SYDE2: variants seen among roughly 807,000 people sequenced by gnomAD.
SYDE2 encodes the protein rho GTPase-activating protein SYDE2.
SYDE2 carries 76 observed loss-of-function variants against 91.5 expected under a neutral mutation model. That is an observed-to-expected ratio of 0.83 (90% CI 0.69 to 1.01). SYDE2 has a LOEUF of 1.01. Ranked by LOEUF, SYDE2 falls within the 50% of genes least tolerant of loss-of-function variation. The pLI is 0.00. For missense variants in SYDE2, 1,364 were observed against 1,367.7 expected (o/e 1.00, Z 0.04); for synonymous variants, 513 against 506.4 (o/e 1.01, Z -0.18).
At position 85,158,719 on chromosome 1, in the gene SYDE2, T is replaced by C; in HGVS notation, c.*31A>G. On this transcript the variant is annotated 3_prime_UTR_variant, in exon 7 of 7. Transcript: ENST00000341460. The stretch of plus-strand genomic sequence containing the variant: ...AATAAAACAAAAACAGATTTGAAAC[T>C]TTAAGACATTACAAAAAAAAACCCT... 1.4e-6 allele frequency: 1 copy of C among 697,632 alleles called. No homozygotes were observed. The highest frequency in any genetic ancestry group is 2.6e-6 in the Non-Finnish European group (1 of 384,424). The allele number at this position is 697,632 out of a possible 1,614,324, so 43.2% of individuals were successfully genotyped here. A position where few individuals can be genotyped will look rare whatever the true frequency, so the allele number is the denominator to read the frequency against.
intron 2 of SYDE2, among the ~76,000 whole-genome samples, chr1:85,186,777 T>C (rs1473695294): frequency 6.6e-6 from 1 of 152,086 alleles, no homozygotes; most frequent in Non-Finnish European, 1.5e-5. Context: ...GGATTCCCTA[T>C]TTAATAAATG....
chr1:85,177,776 CT>C (rs1453124193), intron 4 of SYDE2, among the ~76,000 whole-genome samples: 1 of 152,162 alleles, frequency 6.6e-6, no homozygotes, highest in Non-Finnish European at 1.5e-5. Flanking sequence ...TGGATCCCCT[CT>C]GGCTAGTAAA....
intron 6 of SYDE2, among the ~76,000 whole-genome samples, chr1:85,163,528 A>C (rs1657155141): frequency 7.0e-6 from 1 of 142,722 alleles, no homozygotes; most frequent in East Asian, 2.1e-4. Flanking sequence ...CTTTGTGCTA[A>C]ACATTTTGCT....
rs1656917367 is a variant in SYDE2, at chr1:85,157,815, C to T, written c.*935G>A. On this transcript the variant is annotated 3_prime_UTR_variant, in exon 7 of 7. Transcript: ENST00000341460. Reference sequence around the variant, plus strand: ...TACTTTAAAAATACATGTGATTCTACAATAACCCCTCCCCCATCCTGATAT... The same window carrying T: ...TACTTTAAAAATACATGTGATTCTATAATAACCCCTCCCCCATCCTGATAT... 1 of 152,054 alleles carries T rather than the reference C, an allele frequency of 6.6e-6. No individual in the cohort carries two copies. The highest frequency in any genetic ancestry group is 2.4e-5 in the African/African-American group (1 of 41,412). The allele number at this position is 152,054 out of a possible 1,614,324, so 9.4% of individuals were successfully genotyped here. A position where few individuals can be genotyped will look rare whatever the true frequency, so the allele number is the denominator to read the frequency against.
chr1:85,185,944 G>A (rs944050067), intron 2 of SYDE2, among the ~76,000 whole-genome samples: 1 of 151,956 alleles, frequency 6.6e-6, no homozygotes, highest in African/African-American at 2.4e-5. Context: ...TTGTCATAGA[G>A]CTCTTATTAT....
At chr1:85,191,615 G>A (rs544509079) in intron 1 of SYDE2, among the ~76,000 whole-genome samples, 19 of 152,048 alleles carry the variant, frequency 1.2e-4, no homozygotes, top group African/African-American at 3.4e-4. Flanking sequence ...AAAATTAGCC[G>A]GGCATGGTGG....
intron 1 of SYDE2, 168 bp downstream of exon 1, chr1:85,200,084 A>G: frequency 2.7e-5 from 25 of 942,884 alleles, no homozygotes; most frequent in Non-Finnish European, 3.0e-5. Context: ...AATGCATTAC[A>G]TTAAGTAACC....
chr1:85,163,445 C>CTATCTATATA (rs1174209275), intron 6 of SYDE2, among the ~76,000 whole-genome samples: 6 of 87,610 alleles, frequency 6.8e-5, no homozygotes, highest in Admixed American at 1.5e-4. Flanking sequence ...GTACTTTAAT[C>CTATCTATATA]TATATATATA....
intron 4 of SYDE2, among the ~76,000 whole-genome samples, chr1:85,177,822 C>T (rs1657760254): frequency 6.6e-6 from 1 of 152,126 alleles, no homozygotes; most frequent in African/African-American, 2.4e-5. Context: ...AGTCAATACG[C>T]TCTATATCAC....
chr1:85,198,967 C>T (rs1443251027), intron 1 of SYDE2, among the ~76,000 whole-genome samples: 1 of 152,056 alleles, frequency 6.6e-6, no homozygotes, highest in Non-Finnish European at 1.5e-5. Flanking sequence ...AATATTTAAC[C>T]TTGAGAATAA....
At chr1:85,194,619 G>C (rs981429507) in intron 1 of SYDE2, among the ~76,000 whole-genome samples, 2 of 151,876 alleles carry the variant, frequency 1.3e-5, no homozygotes, top group African/African-American at 2.4e-5. Flanking sequence ...CATGTTATGG[G>C]ATAATTTTCA....
Position 85,200,309 on chromosome 1 carries a change from T to C in SYDE2, c.688A>G (p.Lys230Glu). Residue 230 changes from lysine (K) to glutamate (E), a missense_variant, in exon 1 of 7, where the codon AAA becomes GAA. Transcript: ENST00000341460. ...QAASPNVGALKVRENRVLSVP... is the reference protein window; with the variant it reads ...QAASPNVGALEVRENRVLSVP... ...GACAGGACACGGTTTTCACGCACTT[T>C]CAAAGCGCCCACATTTGGGGAGGCT... is the stretch of plus-strand genomic sequence containing the variant. The C allele has an allele frequency of 6.2e-7, 1 of 1,614,000 alleles. No individual in the cohort carries two copies. Among genetic ancestry groups the C allele is most frequent in the Non-Finnish European group, 8.5e-7 (1 of 1,179,882 alleles).
intron 1 of SYDE2, among the ~76,000 whole-genome samples, chr1:85,197,493 C>T (rs1362100269): frequency 2.0e-5 from 3 of 152,046 alleles, no homozygotes; most frequent in Non-Finnish European, 2.9e-5. Context: ...AACATCTTTA[C>T]ATAAACAAGA....
At chr1:85,191,809 A>C (rs1049917074) in intron 1 of SYDE2, among the ~76,000 whole-genome samples, 1 of 152,086 alleles carries the variant, frequency 6.6e-6, no homozygotes, top group Admixed American at 6.6e-5. Context: ...AAATGCTTAG[A>C]TATATGCACA....
chr1:85,165,127 G>A (rs965377337), intron 5 of SYDE2, among the ~76,000 whole-genome samples: 7 of 152,064 alleles, frequency 4.6e-5, no homozygotes, highest in Non-Finnish European at 7.4e-5. Flanking sequence ...CCGGCTACTC[G>A]GGAGGCTGAG....
chr1:85,170,114 CTT>C (rs5775829), intron 4 of SYDE2, among the ~76,000 whole-genome samples: 5 of 131,230 alleles, frequency 3.8e-5, no homozygotes, highest in Admixed American at 7.9e-5. Flanking sequence ...CTTCCCATCT[CTT>C]TTTTTTTTTT....
At position 85,161,868 on chromosome 1, in the gene SYDE2, C is replaced by A. The variant is rs527306513; in HGVS notation, c.3086-2619G>T. On this transcript the variant is annotated intron_variant, in intron 6 of 6. Transcript: ENST00000341460. ...TATTCTTAAAACAGAAAATGAATAT[C>A]TAAAAGAAACATTTTTGTGAAAACT... Among the ~76,000 whole-genome samples the A allele has an allele frequency of 3.0e-3, 438 of 145,312 alleles. 2 individuals carry two copies. The highest frequency in any genetic ancestry group is 0.012 in the African/African-American group (422 of 36,224).
intron 5 of SYDE2, among the ~76,000 whole-genome samples, chr1:85,167,213 CAAAAAA>C (rs74838837): frequency 1.2e-5 from 1 of 81,506 alleles, no homozygotes; most frequent in African/African-American, 4.1e-5. Flanking sequence ...GACCCTGTCT[CAAAAAA>C]AAAAAAAAAA....
intron 4 of SYDE2, among the ~76,000 whole-genome samples, chr1:85,171,895 A>T (rs1015200806): frequency 6.6e-6 from 1 of 152,190 alleles, no homozygotes; most frequent in African/African-American, 2.4e-5. Flanking sequence ...GCTTTGAGAA[A>T]AGTAGATAAC....
Sources: gnomAD v4.1 joint callset for allele counts (sites outside exome capture counted in the v4.1 genomes callset) on GRCh38, gnomAD v4.1.1 for gene constraint, MANE v1.5 for transcripts, NCBI Gene and HGNC (gene_info 2026-07-23, HGNC 2026-07-21) for gene names.